SGCZ: variants seen among roughly 807,000 people sequenced by gnomAD.
SGCZ encodes the protein sarcoglycan zeta.
A neutral mutation model predicts 41.3 loss-of-function variants in SGCZ; 40 were observed. The observed-to-expected ratio is 0.97, with a 90% CI of 0.75 to 1.26. SGCZ has a LOEUF of 1.26. Among genes scored for constraint, SGCZ ranks in the 50% most tolerant of loss-of-function variants. The pLI is 0.00. For synonymous variants in SGCZ, 206 were observed against 137.5 expected (o/e 1.50, Z -3.49); for missense variants, 552 against 369.8 (o/e 1.49, Z -4.04).
chr8:14,411,915 G>A (rs1241152541), intron 2 of SGCZ, among the ~76,000 whole-genome samples: 2 of 152,100 alleles, frequency 1.3e-5, no homozygotes, highest in East Asian at 3.9e-4. Context: ...CATGACCTCT[G>A]AAGAAATGCT....
intron 2 of SGCZ, among the ~76,000 whole-genome samples, chr8:14,419,634 G>T (rs367571889): frequency 1.3e-5 from 2 of 151,902 alleles, no homozygotes; most frequent in South Asian, 2.1e-4. Flanking sequence ...TTAATTTAAT[G>T]GCAACTATAA....
chr8:14,102,501 TA>T lies in SGCZ; in HGVS notation c.621-3del. ...AAGGATCTGGTGGGTGATTCAAGCC[TA>T]AGGGAAAAACAAAAAATCATTAATA... On this transcript the variant is annotated splice_polypyrimidine_tract_variant and splice_region_variant and intron_variant, in intron 6 of 7. Coordinates refer to ENST00000382080, the MANE Select transcript of SGCZ (RefSeq NM_139167.4). 1 of 1,387,890 alleles carries T rather than the reference TA, an allele frequency of 7.2e-7. No individual in the cohort carries two copies. The highest frequency in any genetic ancestry group is 9.5e-7 in the Non-Finnish European group (1 of 1,057,754). 86.0% of individuals were successfully genotyped at this position (1,387,890 alleles called of 1,614,324 possible).
At chr8:14,513,863 T>A (rs969212273) in intron 2 of SGCZ, among the ~76,000 whole-genome samples, 1 of 151,944 alleles carries the variant, frequency 6.6e-6, no homozygotes, top group Non-Finnish European at 1.5e-5. Context: ...TTGTAACTAC[T>A]CTCTGTGCAT....
intron 1 of SGCZ, among the ~76,000 whole-genome samples, chr8:14,942,711 T>A (rs770381654): frequency 1.3e-5 from 2 of 152,158 alleles, no homozygotes; most frequent in Non-Finnish European, 2.9e-5. Context: ...CTCCCTTTTG[T>A]ATCTTCTAAT....
chr8:14,514,782 AAT>A (rs1802566180), intron 2 of SGCZ, among the ~76,000 whole-genome samples: 5 of 27,310 alleles, frequency 1.8e-4, no homozygotes, highest in African/African-American at 5.7e-4. Flanking sequence ...CATATATGTA[AAT>A]GTGTGTGTGT....
intron 4 of SGCZ, among the ~76,000 whole-genome samples, chr8:14,217,962 A>T (rs1050883481): frequency 1.1e-4 from 17 of 152,058 alleles, no homozygotes; most frequent in Non-Finnish European, 2.4e-4. Context: ...GCAAAATAGG[A>T]AAAGAAGGAA....
intron 1 of SGCZ, among the ~76,000 whole-genome samples, chr8:14,603,087 C>T (rs935493579): frequency 6.6e-6 from 1 of 152,056 alleles, no homozygotes; most frequent in Non-Finnish European, 1.5e-5. Flanking sequence ...CCGGGGGCAA[C>T]CCATTGTGAA....
intron 1 of SGCZ, among the ~76,000 whole-genome samples, chr8:14,772,059 C>T (rs1345403554): frequency 6.6e-6 from 1 of 151,994 alleles, no homozygotes; most frequent in African/African-American, 2.4e-5. Context: ...TTTGAGCATC[C>T]ATAGAACCAT....
At chr8:14,094,037 C>G (rs770375643) in intron 7 of SGCZ, among the ~76,000 whole-genome samples, 8 of 152,050 alleles carry the variant, frequency 5.3e-5, no homozygotes, top group Non-Finnish European at 1.0e-4. Context: ...GAACACATCT[C>G]TCCCCTCTAA....
intron 2 of SGCZ, among the ~76,000 whole-genome samples, chr8:14,418,287 T>G (rs942248807): frequency 5.9e-5 from 9 of 151,972 alleles, no homozygotes; most frequent in Non-Finnish European, 1.3e-4. Flanking sequence ...TGAGGCCTAA[T>G]GTTTAACAAA....
At chr8:14,776,085 TG>T (rs1800392623) in intron 1 of SGCZ, among the ~76,000 whole-genome samples, 1 of 152,186 alleles carries the variant, frequency 6.6e-6, no homozygotes, top group African/African-American at 2.4e-5. Context: ...ATGGTGATAC[TG>T]GAAGAGAAAA....
chr8:14,581,750 G>A (rs1051502405), intron 1 of SGCZ, among the ~76,000 whole-genome samples: 4 of 152,146 alleles, frequency 2.6e-5, no homozygotes, highest in African/African-American at 9.7e-5. Flanking sequence ...GAAAAAGGTT[G>A]AGGATAGTGA....
chr8:14,815,297 T>G (rs902461229), intron 1 of SGCZ, among the ~76,000 whole-genome samples: 2 of 152,124 alleles, frequency 1.3e-5, no homozygotes, highest in Non-Finnish European at 2.9e-5. Flanking sequence ...AAAGAAAAAT[T>G]TGTTTCATAA....
chr8:14,312,412 G>A lies in SGCZ; in HGVS notation c.336+11691C>T, dbSNP rs568396286. ...AGTCAGCCCACGTACATGCAAATAT[G>A]TGATTTTCGGGTAGTGAAAGAATAT... On this transcript the variant is annotated intron_variant, in intron 3 of 7. Coordinates refer to ENST00000382080, the MANE Select transcript of SGCZ (RefSeq NM_139167.4). Among the ~76,000 whole-genome samples the A allele has an allele frequency of 6.3e-4, 96 of 152,250 alleles. 1 individual carries two copies. Among genetic ancestry groups the A allele is most frequent in the African/African-American group, 2.2e-3 (92 of 41,566 alleles).
At chr8:14,408,950 A>AGTGTGTGTGT (rs36121697) in intron 2 of SGCZ, among the ~76,000 whole-genome samples, 21 of 126,312 alleles carry the variant, frequency 1.7e-4, no homozygotes, top group East Asian at 4.1e-4. Context: ...TTAAATTAAG[A>AGTGTGTGTGT]GAGTGTGTGT....
intron 1 of SGCZ, among the ~76,000 whole-genome samples, chr8:14,584,919 G>C (rs555200029): frequency 2.0e-5 from 3 of 152,170 alleles, no homozygotes; most frequent in African/African-American, 7.2e-5. Flanking sequence ...ACAGTCATTT[G>C]TTAAATAAAT....
chr8:15,163,026 G>C (rs1263713152), intron 1 of SGCZ, among the ~76,000 whole-genome samples: 1 of 152,138 alleles, frequency 6.6e-6, no homozygotes, highest in East Asian at 1.9e-4. Flanking sequence ...ATCATTTCGT[G>C]CTCAGTTGTA....
chr8:14,491,443 C>T (rs1378961143), intron 2 of SGCZ, among the ~76,000 whole-genome samples: 3 of 152,170 alleles, frequency 2.0e-5, no homozygotes, highest in African/African-American at 7.2e-5. Context: ...GAGTGCTAAG[C>T]TGTCTAACTA....
chr8:14,882,809 C>G (rs956653145), intron 1 of SGCZ, among the ~76,000 whole-genome samples: 2 of 152,092 alleles, frequency 1.3e-5, no homozygotes, highest in African/African-American at 4.8e-5. Context: ...CGCACCTGCA[C>G]TAGACCCTGT....
Sources: gnomAD v4.1 joint callset for allele counts (sites outside exome capture counted in the v4.1 genomes callset) on GRCh38, gnomAD v4.1.1 for gene constraint, MANE v1.5 for transcripts, NCBI Gene and HGNC (gene_info 2026-07-23, HGNC 2026-07-21) for gene names.